The following CACNA2D3 variants were observed in gnomAD, a reference collection of about 807,000 sequenced individuals.
CACNA2D3 encodes voltage-dependent calcium channel subunit alpha-2/delta-3.
In CACNA2D3, 60 loss-of-function variants were observed where a neutral mutation model predicts 160.6. The observed-to-expected ratio is 0.37, with a 90% CI of 0.30 to 0.46. The LOEUF is 0.46. Ranked by LOEUF, CACNA2D3 falls within the 20% of genes least tolerant of loss-of-function variation. The pLI, the probability that CACNA2D3 is intolerant of heterozygous loss-of-function variation, is 1.00. For synonymous variants in CACNA2D3, 558 were observed against 492.9 expected, an observed-to-expected ratio of 1.13 and a Z score of -1.75; for missense variants, 1,205 against 1,365.0, an observed-to-expected ratio of 0.88 and a Z score of 1.85.
chr3:54,598,307 C>CA (rs10656534), intron 9 of CACNA2D3, among the ~76,000 whole-genome samples: 20,839 of 49,714 alleles, frequency 0.42, 5,245 homozygotes, highest in African/African-American at 0.48. Context: ...CTCCGTCTCA[C>CA]AAAAAAAAAA....
At chr3:54,626,452 C>T (rs1485848851) in intron 9 of CACNA2D3, 16 of 1,596,846 alleles carry the variant, frequency 1.0e-5, no homozygotes, top group Admixed American at 1.8e-5. Flanking sequence ...GACGCACCTG[C>T]GTGACGTGAT....
At chr3:54,814,573 C>T (rs878938599) in intron 13 of CACNA2D3, among the ~76,000 whole-genome samples, 1 of 152,226 alleles carries the variant, frequency 6.6e-6, no homozygotes, top group African/African-American at 2.4e-5. Flanking sequence ...GAGGTCCAGC[C>T]TGGTGAGGGC....
At chr3:54,748,217 T>C (rs1258233664) in intron 11 of CACNA2D3, among the ~76,000 whole-genome samples, 6 of 152,206 alleles carry the variant, frequency 3.9e-5, no homozygotes, top group Admixed American at 3.9e-4. Context: ...ACTCTCCTGG[T>C]AGCCACTTCC....
chr3:54,595,207 T>C (rs993398203), intron 9 of CACNA2D3, among the ~76,000 whole-genome samples: 1 of 152,124 alleles, frequency 6.6e-6, no homozygotes, highest in African/African-American at 2.4e-5. Flanking sequence ...ATACAATAGT[T>C]AGTTTGTCAT....
intron 11 of CACNA2D3, among the ~76,000 whole-genome samples, chr3:54,738,671 A>G (rs1701579333): frequency 6.6e-6 from 1 of 152,154 alleles, no homozygotes; most frequent in Non-Finnish European, 1.5e-5. Context: ...CATCATCCCT[A>G]TACATTTCCA....
chr3:54,687,861 C>T (rs1004760222), intron 11 of CACNA2D3, among the ~76,000 whole-genome samples: 16 of 152,280 alleles, frequency 1.1e-4, no homozygotes, highest in Admixed American at 2.6e-4. Context: ...GTCACTAGAA[C>T]GACTTTATTA....
intron 24 of CACNA2D3, 36 bp from the exon 25 acceptor site, chr3:54,891,319 A>G (rs1255333516): frequency 2.8e-6 from 4 of 1,429,142 alleles, no homozygotes; most frequent in Non-Finnish European, 3.0e-6. Flanking sequence ...CTTACTGTCT[A>G]GAGGCCTCCC....
rs1575492637 is a variant in CACNA2D3 at position 54,503,944 on chromosome 3, G to T, written c.544+290G>T. Among the ~76,000 whole-genome samples the T allele has an allele frequency of 2.0e-5, 3 of 152,280 alleles. No homozygotes were observed. The South Asian group carries it at 6.2e-4, about 32-fold the overall frequency. On this transcript the variant is annotated intron_variant, in intron 5 of 37. Transcript: ENST00000474759. ...CCAGATAGTAAATATCTTAGGCTTT[G>T]CCAGCCATAGAGTCTCTGTTGCAAC...
At chr3:54,890,413 A>G (rs111756581) in intron 24 of CACNA2D3, among the ~76,000 whole-genome samples, 3,754 of 150,188 alleles carry the variant, frequency 0.025, 157 homozygotes, top group African/African-American at 0.086. Context: ...GGAGAACGGC[A>G]TGAACCCGGG....
chr3:54,502,529 C>T (rs552108163), intron 4 of CACNA2D3, among the ~76,000 whole-genome samples: 8 of 152,266 alleles, frequency 5.3e-5, no homozygotes, highest in Non-Finnish European at 8.8e-5. Context: ...CTTACATGTC[C>T]GCTTTTTCCA....
chr3:54,503,826 G>T (rs1701328932), intron 5 of CACNA2D3, among the ~76,000 whole-genome samples, 172 bp downstream of exon 5: 1 of 152,178 alleles, frequency 6.6e-6, no homozygotes, highest in Non-Finnish European at 1.5e-5. Flanking sequence ...TACCTGTTCT[G>T]CCTGGAGCTT....
chr3:54,315,378 C>T lies in CACNA2D3; in HGVS notation c.205-5064C>T, dbSNP rs190665481. The stretch of plus-strand genomic sequence containing the variant: ...GGCTTGGAACAGTCGTGTAAACTGC[C>T]GCAGCCCCTGTTAACTGCCAATGTC... On this transcript the variant is annotated intron_variant, in intron 2 of 37. Coordinates refer to ENST00000474759, the MANE Select transcript of CACNA2D3 (RefSeq NM_018398.3). Among the ~76,000 whole-genome samples the T allele has an allele frequency of 5.5e-3, 834 of 152,318 alleles. 5 individuals carry two copies. Among genetic ancestry groups the T allele is most frequent in the Non-Finnish European group, 8.7e-3 (595 of 68,030 alleles).
chr3:54,298,471 T>A (rs1703389050), intron 2 of CACNA2D3, among the ~76,000 whole-genome samples: 1 of 152,230 alleles, frequency 6.6e-6, no homozygotes, highest in Non-Finnish European at 1.5e-5. Context: ...GCAGTGAGTT[T>A]ACTCAACTTT....
intron 11 of CACNA2D3, among the ~76,000 whole-genome samples, chr3:54,701,885 C>T (rs1700773245): frequency 6.6e-6 from 1 of 152,106 alleles, no homozygotes; most frequent in Non-Finnish European, 1.5e-5. Context: ...GTAACCAAAA[C>T]AGCATGGTAC....
At chr3:54,311,893 T>C (rs542660038) in intron 2 of CACNA2D3, among the ~76,000 whole-genome samples, 17 of 152,142 alleles carry the variant, frequency 1.1e-4, no homozygotes, top group Non-Finnish European at 2.2e-4. Flanking sequence ...AATGATTGGG[T>C]TAATGAATTT....
chr3:54,936,268 C>G (rs1701326480), intron 27 of CACNA2D3, among the ~76,000 whole-genome samples: 1 of 151,990 alleles, frequency 6.6e-6, no homozygotes, highest in African/African-American at 2.4e-5. Context: ...TCTGCTTGAA[C>G]TAATCTGCTT....
At chr3:54,217,327 G>A (rs1701481282) in intron 2 of CACNA2D3, among the ~76,000 whole-genome samples, 1 of 152,164 alleles carries the variant, frequency 6.6e-6, no homozygotes, top group African/African-American at 2.4e-5. Context: ...CCCTTCCCCT[G>A]GGTTCTGTCT....
intron 21 of CACNA2D3, among the ~76,000 whole-genome samples, chr3:54,883,615 AACT>A (rs1199790911): frequency 6.6e-6 from 1 of 152,178 alleles, no homozygotes; most frequent in Non-Finnish European, 1.5e-5. Context: ...TGGGAACTGC[AACT>A]AGAAAAAGAC....
At chr3:54,836,000 G>T (rs1007567262) in intron 14 of CACNA2D3, among the ~76,000 whole-genome samples, 2 of 152,156 alleles carry the variant, frequency 1.3e-5, no homozygotes, top group African/African-American at 4.8e-5. Context: ...AGTTAGGAAA[G>T]ATTCAGAGCT....
Sources: gnomAD v4.1 joint callset for allele counts (sites outside exome capture counted in the v4.1 genomes callset) on GRCh38, gnomAD v4.1.1 for gene constraint, MANE v1.5 for transcripts, NCBI Gene and HGNC (gene_info 2026-07-23, HGNC 2026-07-21) for gene names.